The following FBXW11 variants were observed in gnomAD, a reference collection of about 807,000 sequenced individuals.
The protein encoded by FBXW11 is F-box and WD repeat domain containing 11.
In FBXW11, 19 loss-of-function variants were observed where a neutral mutation model predicts 77.6. The ratio of observed to expected loss-of-function variants is 0.24; its 90% CI spans 0.17 to 0.36. The LOEUF (loss-of-function observed/expected upper bound fraction) is 0.36, where lower values mean the gene tolerates loss of function less well. Among genes scored for constraint, FBXW11 ranks in the 10% least tolerant of loss-of-function variants. The probability of loss-of-function intolerance (pLI) is 1.00; values close to 1 mark genes in which losing one functional copy is unlikely to be tolerated. For missense variants in FBXW11, 334 were observed against 704.2 expected (o/e 0.47, Z 5.95); for synonymous variants, 235 against 249.4 (o/e 0.94, Z 0.54).
chr5:171,946,904 TC>T (rs1361070701), intron 2 of FBXW11, among the ~76,000 whole-genome samples: 2 of 126,270 alleles, frequency 1.6e-5, no homozygotes, highest in Non-Finnish European at 3.2e-5. Flanking sequence ...AACCTCCACC[TC>T]CCGGGTTCAA....
chr5:171,950,571 G>C (rs1392424527), intron 2 of FBXW11, among the ~76,000 whole-genome samples: 1 of 152,128 alleles, frequency 6.6e-6, no homozygotes, highest in Non-Finnish European at 1.5e-5. Context: ...GATTTTTCTA[G>C]GGTGAGCCCA....
intron 13 of FBXW11, chr5:171,867,733 A>G (rs893411903): frequency 6.6e-6 from 1 of 152,260 alleles, no homozygotes; most frequent in Non-Finnish European, 1.5e-5. Flanking sequence ...ATGAACAGGA[A>G]AATATGTAAT....
intron 2 of FBXW11, among the ~76,000 whole-genome samples, chr5:171,925,221 C>A (rs959797337): frequency 1.2e-4 from 19 of 152,198 alleles, no homozygotes; most frequent in African/African-American, 3.9e-4. Flanking sequence ...AATTTCATTT[C>A]TTACATTGAA....
intron 13 of FBXW11, among the ~76,000 whole-genome samples, chr5:171,865,690 TA>T (rs1412275297): frequency 1.3e-5 from 2 of 152,222 alleles, no homozygotes; most frequent in Non-Finnish European, 2.9e-5. Context: ...TCAAATTTCC[TA>T]ATAACGATCT....
intron 1 of FBXW11, among the ~76,000 whole-genome samples, chr5:171,978,119 C>A (rs1034385187): frequency 1.3e-5 from 2 of 151,776 alleles, no homozygotes; most frequent in Non-Finnish European, 2.9e-5. Context: ...ATAATGAGAA[C>A]AAATTATAAT....
chr5:171,918,919 C>A (rs1761417592), intron 2 of FBXW11, among the ~76,000 whole-genome samples: 1 of 152,156 alleles, frequency 6.6e-6, no homozygotes, highest in African/African-American at 2.4e-5. Context: ...AACCAGTGCT[C>A]TAGGGATGTG....
At chr5:171,979,019 T>C (rs1765000366) in intron 1 of FBXW11, among the ~76,000 whole-genome samples, 1 of 152,222 alleles carries the variant, frequency 6.6e-6, no homozygotes, top group Non-Finnish European at 1.5e-5. Flanking sequence ...TGTCACATCA[T>C]GTTCATAAAG....
intron 13 of FBXW11, among the ~76,000 whole-genome samples, chr5:171,867,037 G>A (rs758494732): frequency 2.6e-5 from 4 of 152,186 alleles, no homozygotes; most frequent in African/African-American, 9.7e-5. Flanking sequence ...TGGGGTCCAC[G>A]TGGGGTCCCA....
intron 6 of FBXW11, among the ~76,000 whole-genome samples, chr5:171,893,386 T>C (rs1759490043): frequency 1.3e-5 from 1 of 78,372 alleles, no homozygotes; most frequent in African/African-American, 5.2e-5. Context: ...AGTGACTTGG[T>C]AAAATATTAG....
intron 7 of FBXW11, among the ~76,000 whole-genome samples, chr5:171,878,442 T>A (rs1397309740): frequency 6.6e-6 from 1 of 152,156 alleles, no homozygotes; most frequent in Non-Finnish European, 1.5e-5. Flanking sequence ...GACTGGGTGC[T>A]GTGGCTCATG....
At position 171,914,330 on chromosome 5, in the gene FBXW11, C is replaced by T. The variant is rs746578121; in HGVS notation, c.210+13G>A. 6.3e-7 allele frequency: 1 copy of T among 1,598,948 alleles called. No homozygotes were observed. Among genetic ancestry groups the T allele is most frequent in the South Asian group, 1.1e-5 (1 of 87,878 alleles). ...AGTCAGTTGCTATCTAATCTGTGCG[C>T]CGTCATTCCTACCTGCCAAAGAGTA... On this transcript the variant is annotated intron_variant, in intron 3 of 13. Transcript: ENST00000517395.
chr5:171,936,011 TGA>T (rs1310481596), intron 2 of FBXW11, among the ~76,000 whole-genome samples: 7 of 147,814 alleles, frequency 4.7e-5, no homozygotes, highest in Admixed American at 1.4e-4. Flanking sequence ...CTCGGGAGGC[TGA>T]GATAGGAGAA....
At chr5:171,983,651 T>G in intron 1 of FBXW11, among the ~76,000 whole-genome samples, 1 of 152,160 alleles carries the variant, frequency 6.6e-6, no homozygotes, top group East Asian at 1.9e-4. Context: ...TCCCACACAT[T>G]TGGTCACAGA....
At chr5:171,893,750 A>G (rs1465755250) in intron 6 of FBXW11, among the ~76,000 whole-genome samples, 1 of 152,212 alleles carries the variant, frequency 6.6e-6, no homozygotes, top group Admixed American at 6.5e-5. Context: ...GAGTTGCTAC[A>G]GAATGTATGA....
At chr5:171,990,108 A>C (rs1348201079) in intron 1 of FBXW11, among the ~76,000 whole-genome samples, 1 of 151,772 alleles carries the variant, frequency 6.6e-6, no homozygotes, top group Non-Finnish European at 1.5e-5. Flanking sequence ...TAAGAGAGGG[A>C]AGGAGAAAAG....
chr5:171,935,333 A>C (rs568280940), intron 2 of FBXW11, among the ~76,000 whole-genome samples: 4 of 152,304 alleles, frequency 2.6e-5, no homozygotes, highest in Non-Finnish European at 5.9e-5. Flanking sequence ...CTGTGACTAT[A>C]CTAAAAATCA....
At chr5:171,899,138 A>ATTCACCCTTTTATGT in intron 5 of FBXW11, 44 bp from the exon 6 acceptor site, 5 of 1,340,850 alleles carry the variant, frequency 3.7e-6, no homozygotes, top group Non-Finnish European at 5.2e-6. Context: ...TGCACATAAA[A>ATTCACCCTTTTATGT]GGGTGAATTT....
intron 1 of FBXW11, among the ~76,000 whole-genome samples, chr5:172,004,867 G>GCACACACACA (rs112994412): frequency 3.6e-3 from 537 of 149,434 alleles, no homozygotes; most frequent in African/African-American, 5.3e-3. Context: ...AACCCCACGT[G>GCACACACACA]CACACACACA....
intron 12 of FBXW11, 80 bp from the exon 13 acceptor site, chr5:171,868,876 T>A: frequency 7.3e-7 from 1 of 1,363,952 alleles, no homozygotes; most frequent in South Asian, 1.4e-5. Context: ...GGGCAGAAGA[T>A]GAAAATGCAG....
Sources: gnomAD v4.1 joint callset for allele counts (sites outside exome capture counted in the v4.1 genomes callset) on GRCh38, gnomAD v4.1.1 for gene constraint, MANE v1.5 for transcripts, NCBI Gene and HGNC (gene_info 2026-07-23, HGNC 2026-07-21) for gene names.